The following PCSK2 variants were observed in gnomAD, a reference collection of about 807,000 sequenced individuals.
PCSK2 encodes proprotein convertase subtilisin/kexin type 2.
PCSK2 carries 14 observed loss-of-function variants against 69.7 expected under a neutral mutation model. That is an observed-to-expected ratio of 0.20 (90% CI 0.13 to 0.31). The LOEUF (loss-of-function observed/expected upper bound fraction) is 0.31, where lower values mean the gene tolerates loss of function less well. Among genes scored for constraint, PCSK2 ranks in the 10% least tolerant of loss-of-function variants. The pLI is 1.00. For synonymous variants in PCSK2, 307 were observed against 320.7 expected (o/e 0.96, Z 0.46); for missense variants, 544 against 842.5 (o/e 0.65, Z 4.39).
chr20:17,440,071 G>T (rs1195479617), intron 8 of PCSK2, among the ~76,000 whole-genome samples: 1 of 152,216 alleles, frequency 6.6e-6, no homozygotes, highest in Admixed American at 6.5e-5. Flanking sequence ...TCAGCAGGTG[G>T]AGAGCTCTTG....
chr20:17,295,346 A>G (rs1988852171), intron 2 of PCSK2, among the ~76,000 whole-genome samples: 1 of 152,038 alleles, frequency 6.6e-6, no homozygotes, highest in Non-Finnish European at 1.5e-5. Context: ...CAACCCAGAC[A>G]GTCTGATTCA....
chr20:17,388,496 T>A (rs1165585851), intron 5 of PCSK2, among the ~76,000 whole-genome samples: 1 of 152,130 alleles, frequency 6.6e-6, no homozygotes, highest in Non-Finnish European at 1.5e-5. Flanking sequence ...AGTCTTTCTC[T>A]CTTCCTCTTA....
chr20:17,316,111 G>A (rs535772444), intron 2 of PCSK2, among the ~76,000 whole-genome samples: 1 of 152,274 alleles, frequency 6.6e-6, no homozygotes, highest in East Asian at 1.9e-4. Context: ...GATCTCAGTC[G>A]TCCTGACCGC....
intron 3 of PCSK2, 76 bp from the exon 4 acceptor site, chr20:17,360,456 T>A: frequency 1.2e-6 from 1 of 817,250 alleles, no homozygotes; most frequent in Admixed American, 2.2e-5. Flanking sequence ...CTATAGAGTA[T>A]GTCAAGTAAA....
chr20:17,328,333 A>G (rs1990119880), intron 2 of PCSK2, among the ~76,000 whole-genome samples: 3 of 150,066 alleles, frequency 2.0e-5, no homozygotes, highest in African/African-American at 7.3e-5. Flanking sequence ...ATATATAATT[A>G]TATGTTACAC....
intron 6 of PCSK2, among the ~76,000 whole-genome samples, chr20:17,417,752 G>T (rs1051437726): frequency 2.0e-5 from 3 of 152,176 alleles, no homozygotes; most frequent in African/African-American, 7.2e-5. Context: ...GGGATGAAAT[G>T]ATATTATGCC....
intron 2 of PCSK2, among the ~76,000 whole-genome samples, chr20:17,266,115 T>A: frequency 6.6e-6 from 1 of 152,212 alleles, no homozygotes; most frequent in East Asian, 1.9e-4. Context: ...GTCACTTATG[T>A]GAATTCAGTG....
At chr20:17,345,497 C>G (rs1373827839) in intron 2 of PCSK2, among the ~76,000 whole-genome samples, 3 of 152,180 alleles carry the variant, frequency 2.0e-5, no homozygotes. Flanking sequence ...TGCAATTACT[C>G]AACTCTACGG....
intron 1 of PCSK2, among the ~76,000 whole-genome samples, chr20:17,234,680 A>T (rs1986266645): frequency 6.6e-6 from 1 of 152,164 alleles, no homozygotes; most frequent in African/African-American, 2.4e-5. Context: ...TTCTCAATTG[A>T]ATGAATATCT....
At chr20:17,266,359 C>T (rs892275117) in intron 2 of PCSK2, among the ~76,000 whole-genome samples, 1 of 152,146 alleles carries the variant, frequency 6.6e-6, no homozygotes, top group Non-Finnish European at 1.5e-5. Context: ...ATTTCCTAAA[C>T]GCAAGCTGAC....
At chr20:17,236,678 A>C (rs1301381475) in intron 1 of PCSK2, among the ~76,000 whole-genome samples, 1 of 152,172 alleles carries the variant, frequency 6.6e-6, no homozygotes, top group Non-Finnish European at 1.5e-5. Context: ...TTCAATTACA[A>C]ATTCATTTTT....
chr20:17,370,898 C>T (rs1195978792), intron 5 of PCSK2, among the ~76,000 whole-genome samples: 3 of 152,190 alleles, frequency 2.0e-5, no homozygotes, highest in Non-Finnish European at 4.4e-5. Flanking sequence ...GGCTGTTCCT[C>T]ACAGAGAGCA....
intron 11 of PCSK2, among the ~76,000 whole-genome samples, chr20:17,466,129 T>C (rs2033096809): frequency 6.6e-6 from 1 of 152,202 alleles, no homozygotes; most frequent in Non-Finnish European, 1.5e-5. Flanking sequence ...AATCAACCAC[T>C]ATAAACATCA....
chr20:17,243,592 A>G (rs571570473), intron 1 of PCSK2, among the ~76,000 whole-genome samples: 78 of 152,340 alleles, frequency 5.1e-4, no homozygotes, highest in African/African-American at 1.8e-3. Flanking sequence ...ACATGTGAGC[A>G]AATAGCACTG....
chr20:17,474,332 A>AC (rs1157536733), intron 11 of PCSK2, among the ~76,000 whole-genome samples: 1 of 152,028 alleles, frequency 6.6e-6, no homozygotes, highest in African/African-American at 2.4e-5. Flanking sequence ...ATGGCCTGTG[A>AC]CCCCCAGGCA....
chr20:17,413,672 C>A (rs2031930163), intron 6 of PCSK2, among the ~76,000 whole-genome samples: 1 of 152,164 alleles, frequency 6.6e-6, no homozygotes, highest in Non-Finnish European at 1.5e-5. Context: ...CAGCTCTGGA[C>A]CAAGTGGACC....
Position 17,482,083 on chromosome 20 carries a change from G to C in PCSK2, c.*13G>C. On this transcript the variant is annotated 3_prime_UTR_variant, in exon 12 of 12. Transcript: ENST00000262545. ...TAACAAGAACTAGCGCTGCACATCC[G>C]CCTTTCCCACCGCCCTCCCTCCCCA... 6.5e-7 allele frequency: 1 copy of C among 1,539,880 alleles called. No homozygotes were observed. Among genetic ancestry groups the C allele is most frequent in the South Asian group, 1.3e-5 (1 of 78,922 alleles).
At chr20:17,297,697 C>T (rs6080631) in intron 2 of PCSK2, among the ~76,000 whole-genome samples, 1 of 152,182 alleles carries the variant, frequency 6.6e-6, no homozygotes, top group Non-Finnish European at 1.5e-5. Context: ...AATGTCCTTC[C>T]TTATCAATAT....
At chr20:17,270,539 GT>G (rs1022893326) in intron 2 of PCSK2, among the ~76,000 whole-genome samples, 4 of 152,058 alleles carry the variant, frequency 2.6e-5, no homozygotes, top group Non-Finnish European at 5.9e-5. Context: ...AAAACATTGT[GT>G]TTTTCATCTT....
Sources: allele counts gnomAD v4.1 joint callset (sites outside exome capture counted in the v4.1 genomes callset), GRCh38; gene constraint gnomAD v4.1.1; transcripts MANE v1.5; gene names NCBI Gene and HGNC (gene_info 2026-07-23, HGNC 2026-07-21).